FARP2: variants seen among roughly 807,000 people sequenced by gnomAD.
FARP2 encodes the protein FERM, ARHGEF and pleckstrin domain-containing protein 2.
FARP2 carries 111 observed loss-of-function variants against 130.5 expected under a neutral mutation model. That is an observed-to-expected ratio of 0.85 (90% CI 0.73 to 1.00). The LOEUF (loss-of-function observed/expected upper bound fraction) is 1.00. Ranked by LOEUF, FARP2 falls within the 50% of genes least tolerant of loss-of-function variation. The pLI, the probability that FARP2 is intolerant of heterozygous loss-of-function variation, is 0.00. For synonymous variants in FARP2, 504 were observed against 516.9 expected (o/e 0.98, Z 0.34); for missense variants, 1,385 against 1,346.3 (o/e 1.03, Z -0.45).
chr2:241,463,655 A>G lies in FARP2; in HGVS notation c.1811+187A>G, dbSNP rs968148817. Reference sequence around the variant, plus strand: ...TTATTCACCCTCTTCCAGAAAAGAGAGTGCAAGGAGCAAGTTAAAAATGGA... The same window carrying G: ...TTATTCACCCTCTTCCAGAAAAGAGGGTGCAAGGAGCAAGTTAAAAATGGA... On this transcript the variant is annotated intron_variant, in intron 16 of 26. Coordinates refer to ENST00000264042, the MANE Select transcript of FARP2 (RefSeq NM_014808.4). 3.9e-5 allele frequency: 28 copies of G among 726,870 alleles called. No homozygotes were observed. In the African/African-American group the frequency reaches 4.8e-4, roughly 12 times the overall value. 45.0% of individuals were successfully genotyped at this position (726,870 alleles called of 1,614,324 possible).
At chr2:241,402,309 T>C (rs181354270) in intron 2 of FARP2, among the ~76,000 whole-genome samples, 1 of 152,340 alleles carries the variant, frequency 6.6e-6, no homozygotes, top group Admixed American at 6.5e-5. Context: ...ACACCAATAT[T>C]GGCATCATCA....
intron 18 of FARP2, among the ~76,000 whole-genome samples, chr2:241,472,681 G>A (rs1469775887): frequency 1.3e-5 from 2 of 151,794 alleles, no homozygotes; most frequent in Non-Finnish European, 2.9e-5. Context: ...AGGGGACTCT[G>A]TTCTGAGGGG....
rs191297590 is a variant in FARP2 at position 241,424,795 on chromosome 2, C to T, written c.771+6686C>T. 4.2e-4 allele frequency among the ~76,000 whole-genome samples: 64 copies of T among 152,222 alleles called. No homozygotes were observed. In the East Asian group the frequency reaches 0.01, roughly 25 times the overall value. ...ACCACTGAACCCACGGAAATATAAA[C>T]GATCATCAGAGAATGCTATAAACAC... On this transcript the variant is annotated intron_variant, in intron 8 of 26. Transcript: ENST00000264042.
At chr2:241,436,235 CTTG>C (rs1467722285) in intron 11 of FARP2, among the ~76,000 whole-genome samples, 1 of 152,046 alleles carries the variant, frequency 6.6e-6, no homozygotes, top group African/African-American at 2.4e-5. Context: ...TCTGAAAATT[CTTG>C]TTGTTTCTCC....
intron 1 of FARP2, among the ~76,000 whole-genome samples, chr2:241,368,160 G>A (rs1384700478): frequency 6.6e-6 from 1 of 152,086 alleles, no homozygotes; most frequent in Non-Finnish European, 1.5e-5. Flanking sequence ...ACCCACAAGA[G>A]CCGAGTTTGT....
intron 1 of FARP2, among the ~76,000 whole-genome samples, chr2:241,370,045 G>A (rs895685204): frequency 6.6e-6 from 1 of 152,168 alleles, no homozygotes; most frequent in Non-Finnish European, 1.5e-5. Context: ...GTAGTAGGGG[G>A]TGGGAAATTA....
At chr2:241,435,261 GT>G (rs202038900) in intron 11 of FARP2, among the ~76,000 whole-genome samples, 1 of 147,480 alleles carries the variant, frequency 6.8e-6, no homozygotes, top group Non-Finnish European at 1.5e-5. Context: ...CCCCTGGCTA[GT>G]TTTTTTTGTT....
chr2:241,475,869 C>T lies in FARP2; in HGVS notation c.2144C>T (p.Ala715Val). ...DYADCHDALK[A>V]ITEVTTTLQH... Reference sequence around the variant, plus strand: ...TCTCTCCACACAGACGCCCTGAAAGCCATCACAGAGGTGACCACCACACTA... The same window carrying T: ...TCTCTCCACACAGACGCCCTGAAAGTCATCACAGAGGTGACCACCACACTA... Residue 715 changes from alanine to valine, a missense_variant, in exon 19 of 27, where the codon GCC (alanine) becomes GTC (valine). By Grantham distance (64) the Ala-to-Val change is moderately conservative. Coordinates refer to ENST00000264042, the MANE Select transcript of FARP2 (RefSeq NM_014808.4). The surrounding 1 kb of genome is among the most constrained non-coding windows in gnomAD (Gnocchi z 4.4). 1 of 1,612,934 alleles carries T rather than the reference C, an allele frequency of 6.2e-7. No homozygotes were observed. The highest frequency in any genetic ancestry group is 2.2e-5 in the East Asian group (1 of 44,846).
chr2:241,372,329 G>A (rs2061442651), intron 1 of FARP2, among the ~76,000 whole-genome samples: 1 of 152,120 alleles, frequency 6.6e-6, no homozygotes, highest in Admixed American at 6.5e-5. Context: ...CCTGCTACCA[G>A]GCATGTGGTC....
At chr2:241,474,836 T>TAAATAAATAAATAAAA (rs1553734017) in intron 18 of FARP2, among the ~76,000 whole-genome samples, 4 of 146,036 alleles carry the variant, frequency 2.7e-5, no homozygotes, top group Admixed American at 6.9e-5. Flanking sequence ...AATAAATAAA[T>TAAATAAATAAATAAAA]AAAAAGAAAG....
In FARP2 at chr2:241,431,814, A is replaced by AT. The variant is rs112659786; in HGVS notation, c.867+43dup. On this transcript the variant is annotated intron_variant, in intron 9 of 26. Transcript: ENST00000264042. ...CAACTTTTTATTTTTATTTTATTTTATTTATTTATTTATTTATTTTTTTGA... is the reference window on the plus strand; with the variant it reads ...CAACTTTTTATTTTTATTTTATTTTATTTTATTTATTTATTTATTTTTTTGA... The AT allele has an allele frequency of 4.4e-5, 29 of 653,446 alleles. No individual in the cohort carries two copies. In the East Asian group the frequency reaches 6.7e-4, roughly 15 times the overall value. 40.5% of individuals were successfully genotyped at this position (653,446 alleles called of 1,614,324 possible).
At chr2:241,490,076 G>T in intron 22 of FARP2, 32 bp downstream of exon 22, 1 of 1,513,048 alleles carries the variant, frequency 6.6e-7, no homozygotes, top group Non-Finnish European at 9.2e-7. Context: ...ATCCTGAGCA[G>T]CCCTGGATGG....
At chr2:241,469,157 G>A (rs1015198901) in intron 18 of FARP2, among the ~76,000 whole-genome samples, 2 of 151,816 alleles carry the variant, frequency 1.3e-5, no homozygotes, top group Non-Finnish European at 2.9e-5. Context: ...TGTGATCTTG[G>A]CTTACTGCAA....
At chr2:241,433,048 C>T (rs1559764198) in intron 9 of FARP2, among the ~76,000 whole-genome samples, 1 of 152,016 alleles carries the variant, frequency 6.6e-6, no homozygotes, top group African/African-American at 2.4e-5. Context: ...GTACAAATAT[C>T]TGTCCTGTGG....
intron 8 of FARP2, among the ~76,000 whole-genome samples, chr2:241,427,476 G>A (rs2062971737): frequency 6.6e-6 from 1 of 152,104 alleles, no homozygotes; most frequent in Non-Finnish European, 1.5e-5. Context: ...AGCAAAGCAA[G>A]ACCTCATCTC....
intron 14 of FARP2, among the ~76,000 whole-genome samples, chr2:241,460,034 C>T (rs1185861826): frequency 6.6e-6 from 1 of 152,170 alleles, no homozygotes; most frequent in Admixed American, 6.5e-5. Context: ...TATAGAACAA[C>T]ATTCAGAGTT....
intron 13 of FARP2, among the ~76,000 whole-genome samples, chr2:241,453,768 GGTTTTTT>G (rs1221395920): frequency 0.14 from 13,865 of 99,584 alleles, 2,423 homozygotes; most frequent in Middle Eastern, 0.24. Context: ...GGCACTTACT[GGTTTTTT>G]TTTTTTTTTT....
intron 25 of FARP2, 48 bp from the exon 26 acceptor site, chr2:241,493,245 C>T (rs1187549096): frequency 2.5e-6 from 4 of 1,599,572 alleles, no homozygotes; most frequent in South Asian, 1.1e-5. Context: ...TGGGCATTCC[C>T]TGTGGCAACC....
chr2:241,492,336 A>G (rs753831129), intron 24 of FARP2, among the ~76,000 whole-genome samples: 1 of 152,160 alleles, frequency 6.6e-6, no homozygotes, highest in Admixed American at 6.5e-5. Flanking sequence ...ACCTGGGCCC[A>G]CCAGCTTATG....
Sources: gnomAD v4.1 joint callset for allele counts (sites outside exome capture counted in the v4.1 genomes callset) on GRCh38, gnomAD v4.1.1 for gene constraint, Gnocchi (gnomAD v3.1) non-coding constraint, MANE v1.5 for transcripts, NCBI Gene and HGNC (gene_info 2026-07-23, HGNC 2026-07-21) for gene names.